The following PITPNM3 variants were observed in gnomAD, a reference collection of about 807,000 sequenced individuals.
The protein encoded by PITPNM3 is PITPNM family member 3, also known as membrane-associated phosphatidylinositol transfer protein 3.
PITPNM3 carries 26 observed loss-of-function variants against 102.0 expected under a neutral mutation model. The ratio of observed to expected loss-of-function variants is 0.25; its 90% CI spans 0.19 to 0.35. PITPNM3 has a LOEUF of 0.35. PITPNM3 is among the 10% of genes least tolerant of loss of function. The pLI, the probability that PITPNM3 is intolerant of heterozygous loss-of-function variation, is 1.00. For missense variants in PITPNM3, 1,083 were observed against 1,346.1 expected (o/e 0.80, Z 3.06); for synonymous variants, 578 against 558.6 (o/e 1.03, Z -0.49).
At chr17:6,456,757 C>G (rs1914134639) in intron 19 of PITPNM3, among the ~76,000 whole-genome samples, 1 of 152,152 alleles carries the variant, frequency 6.6e-6, no homozygotes, top group African/African-American at 2.4e-5. Context: ...TCCCTTCCAC[C>G]TGCTGCGCGA....
In PITPNM3 at chr17:6,464,742, A is replaced by G. The variant is rs1904672482; in HGVS notation, c.1920T>C (p.Asp640=). 3.7e-6 allele frequency: 6 copies of G among 1,613,968 alleles called. No individual in the cohort carries two copies. Among genetic ancestry groups the G allele is most frequent in the East Asian group, 2.2e-5 (1 of 44,892 alleles). The change falls in exon 15 of 20, where the codon GAT becomes GAC. Residue 640 remains aspartate, a synonymous_variant. Transcript: ENST00000262483. ...GGGGGCCATCTTCAGCAGCAATCAC[A>G]TCATTGGCCCGGTGATTAGCCGTGA... is the stretch of plus-strand genomic sequence containing the variant. The part of the protein sequence containing the change: ...RNVTANHRAN[D]VIAAEDGPQV...
intron 2 of PITPNM3, among the ~76,000 whole-genome samples, chr17:6,535,911 A>C (rs533367679): frequency 1.3e-5 from 2 of 152,048 alleles, no homozygotes; most frequent in African/African-American, 2.4e-5. Context: ...TACAAAAAAA[A>C]AAATTGGTCA....
intron 3 of PITPNM3, among the ~76,000 whole-genome samples, chr17:6,507,436 T>A (rs1481047243): frequency 1.3e-5 from 2 of 151,886 alleles, no homozygotes; most frequent in Non-Finnish European, 2.9e-5. Context: ...ATACAAAAAT[T>A]AGCTGGGCGT....
intron 14 of PITPNM3, among the ~76,000 whole-genome samples, chr17:6,465,056 T>C (rs1449291006): frequency 6.6e-6 from 1 of 152,220 alleles, no homozygotes. Context: ...TTTTGTTTTT[T>C]GTTTTTTGTT....
chr17:6,467,269 A>G (rs1264172489), intron 14 of PITPNM3, among the ~76,000 whole-genome samples: 1 of 152,218 alleles, frequency 6.6e-6, no homozygotes, highest in East Asian at 1.9e-4. Flanking sequence ...AAATGGTCAC[A>G]TATTACATCA....
rs567455239 is a variant in PITPNM3, at chr17:6,505,859, C to T, written c.227-2285G>A. Among the ~76,000 whole-genome samples the T allele has an allele frequency of 2.5e-4, 38 of 152,288 alleles. No individual in the cohort carries two copies. The South Asian group carries it at 7.7e-3, about 31-fold the overall frequency. On this transcript the variant is annotated intron_variant, in intron 3 of 19. Coordinates refer to ENST00000262483, the MANE Select transcript of PITPNM3 (RefSeq NM_031220.4). ...GCACACGGCTAACTGCAATGAGAGG[C>T]GAGACCGGCGGGGAGAGACGGGGAG...
chr17:6,523,811 C>T (rs764464977), intron 3 of PITPNM3, among the ~76,000 whole-genome samples: 4 of 152,214 alleles, frequency 2.6e-5, no homozygotes, highest in African/African-American at 9.6e-5. Flanking sequence ...CAGAGCCCCC[C>T]CTTCTCGTGG....
rs181952864 is a variant in PITPNM3, at chr17:6,545,907, C to T, written c.23-7825G>A. ...TCCAGGCTCCTATCCTGTGCCAGGT[C>T]AGGGCTGGGCACACAGAAGGCTCTT... On this transcript the variant is annotated intron_variant, in intron 1 of 19. Transcript: ENST00000262483. 5.6e-3 allele frequency among the ~76,000 whole-genome samples: 853 copies of T among 152,332 alleles called. 4 individuals are homozygous for T. The highest frequency in any genetic ancestry group is 0.01 in the Middle Eastern group (3 of 294).
chr17:6,465,350 C>T (rs1383036006), intron 14 of PITPNM3, among the ~76,000 whole-genome samples: 2 of 152,210 alleles, frequency 1.3e-5, no homozygotes, highest in Non-Finnish European at 2.9e-5. Context: ...CTGGCCCGTT[C>T]TCTGTTTTGA....
intron 2 of PITPNM3, among the ~76,000 whole-genome samples, chr17:6,531,338 C>T (rs1306642329): frequency 6.6e-6 from 1 of 152,226 alleles, no homozygotes; most frequent in Non-Finnish European, 1.5e-5. Flanking sequence ...TGCATCCTTT[C>T]AGGGATGAAG....
chr17:6,495,421 C>A (rs139388457), intron 4 of PITPNM3, among the ~76,000 whole-genome samples: 203 of 152,264 alleles, frequency 1.3e-3, no homozygotes, highest in African/African-American at 4.6e-3. Context: ...ACAGAGAATG[C>A]TTCAGGGTGA....
chr17:6,525,451 T>C lies in PITPNM3; in HGVS notation c.131A>G (p.Glu44Gly), dbSNP rs1908775389. 1.2e-6 allele frequency: 2 copies of C among 1,613,944 alleles called. No homozygotes were observed. Among genetic ancestry groups the C allele is most frequent in the Non-Finnish European group, 8.5e-7 (1 of 1,179,826 alleles). Reference protein sequence around the residue: ...EFFDAREEMAEGKNAILIGMS... With the variant: ...EFFDAREEMAGGKNAILIGMS... ...CCCAATGAGGATGGCATTCTTCCCT[T>C]CAGCCATCTCCTCTGTGGGAAGAAG... The change falls in exon 3 of 20, where the codon GAA becomes GGA. Residue 44 changes from glutamate to glycine, a missense_variant. Glu to Gly is a moderately conservative substitution (Grantham distance 98). This residue lies in a region of PITPNM3 where 290 missense variants were observed against 337.8 expected (regional missense o/e 0.86). Coordinates refer to ENST00000262483, the MANE Select transcript of PITPNM3 (RefSeq NM_031220.4).
chr17:6,551,772 A>G (rs1289524147), intron 1 of PITPNM3, among the ~76,000 whole-genome samples: 2 of 152,032 alleles, frequency 1.3e-5, no homozygotes, highest in African/African-American at 4.8e-5. Flanking sequence ...CCCCTTTCCA[A>G]GCTTCCAGAT....
Position 6,516,289 on chromosome 17 carries a change from C to A in PITPNM3, c.226+9067G>T, listed in dbSNP as rs531692828. 3.2e-4 allele frequency among the ~76,000 whole-genome samples: 49 copies of A among 152,248 alleles called. 1 individual carries two copies. In the South Asian group the frequency reaches 9.5e-3, roughly 30 times the overall value. ...GAAGAGAAAGAAATACTTGGCCGGG[C>A]GCCGTGGCTCATGCCTGTAATCCCA... On this transcript the variant is annotated intron_variant, in intron 3 of 19. Transcript: ENST00000262483.
chr17:6,461,708 T>C (rs2150715662), intron 17 of PITPNM3, 152 bp from the exon 18 acceptor site: 1 of 898,338 alleles, frequency 1.1e-6, no homozygotes, highest in Non-Finnish European at 1.8e-6. Flanking sequence ...GAATCCCCTC[T>C]CTGGGCTGAG....
At position 6,457,587 on chromosome 17, in the gene PITPNM3, C is replaced by T. The variant is rs780499796; in HGVS notation, c.2619+7G>A. 2.5e-6 allele frequency: 4 copies of T among 1,613,616 alleles called. No homozygotes were observed. Among genetic ancestry groups the T allele is most frequent in the Non-Finnish European group, 3.4e-6 (4 of 1,179,842 alleles). ...AACTCCCCGCCTCCAGCCCCGCCTC[C>T]ACCCACCTGGCACTGGGTTTGGTAC... On this transcript the variant is annotated splice_region_variant and intron_variant, in intron 19 of 19. Transcript: ENST00000262483. The surrounding 1 kb of genome is among the most constrained non-coding windows in gnomAD (Gnocchi z 4.7).
Position 6,477,098 on chromosome 17 carries a change from G to C in PITPNM3, c.1016C>G (p.Pro339Arg), listed in dbSNP as rs112645411. 133 of 1,614,160 alleles carry C rather than the reference G, an allele frequency of 8.2e-5. 1 individual carries two copies. The East Asian group carries it at 2.7e-3, about 33-fold the overall frequency. ...LEDEEPKRPLPRKQSDSSTYD... is the reference protein window; with the variant it reads ...LEDEEPKRPLRRKQSDSSTYD... The stretch of plus-strand genomic sequence containing the variant: ...GGTGGAGGAGTCGCTCTGTTTCCGC[G>C]GCAACGGCCTCTTGGGCTCCTCATC... Residue 339 changes from proline to arginine, a missense_variant, in exon 9 of 20, where the codon CCG becomes CGG. By Grantham distance (103) the Pro-to-Arg change is moderately radical. Coordinates refer to ENST00000262483, the MANE Select transcript of PITPNM3 (RefSeq NM_031220.4).
rs1905347880 is a variant in PITPNM3, at chr17:6,477,099, G to A, written c.1015C>T (p.Pro339Ser). The part of the protein sequence containing the change: ...LEDEEPKRPL[P>S]RKQSDSSTYD... ...GTGGAGGAGTCGCTCTGTTTCCGCG[G>A]CAACGGCCTCTTGGGCTCCTCATCC... Residue 339 changes from proline (P) to serine (S), a missense_variant, in exon 9 of 20, where the codon CCG becomes TCG. Pro to Ser is a moderately conservative substitution (Grantham distance 74). Transcript: ENST00000262483. The A allele has an allele frequency of 6.2e-7, 1 of 1,614,040 alleles. No homozygotes were observed. The highest frequency in any genetic ancestry group is 1.7e-5 in the Admixed American group (1 of 60,006).
chr17:6,507,421 TA>T (rs35115777), intron 3 of PITPNM3, among the ~76,000 whole-genome samples: 34,583 of 151,804 alleles, frequency 0.23, 4,201 homozygotes, highest in Non-Finnish European at 0.27. Flanking sequence ...CCGTCTCTAC[TA>T]AAAATACAAA....
Sources: allele counts gnomAD v4.1 joint callset (sites outside exome capture counted in the v4.1 genomes callset), GRCh38; gene constraint gnomAD v4.1.1; regional missense constraint gnomAD v4.1.1; non-coding constraint Gnocchi (gnomAD v3.1); transcripts MANE v1.5; gene names NCBI Gene and HGNC (gene_info 2026-07-23, HGNC 2026-07-21).